Variants in PACSIN2 observed in about 807,000 individuals in gnomAD.
PACSIN2 encodes protein kinase C and casein kinase substrate in neurons 2.
Under a neutral mutation model 63.8 loss-of-function variants are expected in PACSIN2, and 25 were observed. The observed-to-expected ratio is 0.39, with a 90% CI of 0.29 to 0.55. The LOEUF (loss-of-function observed/expected upper bound fraction) is 0.55, where lower values mean the gene tolerates loss of function less well. Among genes scored for constraint, PACSIN2 ranks in the 20% least tolerant of loss-of-function variants. The pLI, the probability that PACSIN2 is intolerant of heterozygous loss-of-function variation, is 0.62. For synonymous variants in PACSIN2, 255 were observed against 256.2 expected, an observed-to-expected ratio of 1.00 and a Z score of 0.05; for missense variants, 518 against 646.9, an observed-to-expected ratio of 0.80 and a Z score of 2.16.
intron 1 of PACSIN2, among the ~76,000 whole-genome samples, chr22:42,967,536 G>A (rs1920976432): frequency 6.6e-6 from 1 of 152,204 alleles, no homozygotes; most frequent in African/African-American, 2.4e-5. Context: ...TAATTATACT[G>A]TTGGTGTTTC....
At chr22:42,877,481 C>T (rs1602167146) in intron 8 of PACSIN2, among the ~76,000 whole-genome samples, 1 of 152,176 alleles carries the variant, frequency 6.6e-6, no homozygotes, top group Non-Finnish European at 1.5e-5. Flanking sequence ...ACACGGCCTC[C>T]TCCTGACTAC....
At chr22:43,013,862 A>G (rs1229518154) in intron 1 of PACSIN2, among the ~76,000 whole-genome samples, 3 of 152,134 alleles carry the variant, frequency 2.0e-5, no homozygotes, top group Admixed American at 6.5e-5. Context: ...AACCACAAAA[A>G]CACCGGACAG....
At position 42,871,289 on chromosome 22, in the gene PACSIN2, G is replaced by A; in HGVS notation, c.*68C>T. ...ATCTCTTGCAGGAAAAGGAGTGGATGCCCACGTGGCTGGCTGAGGCTCCTG... is the reference window on the plus strand; with the variant it reads ...ATCTCTTGCAGGAAAAGGAGTGGATACCCACGTGGCTGGCTGAGGCTCCTG... On this transcript the variant is annotated 3_prime_UTR_variant, in exon 11 of 11. Transcript: ENST00000263246. This position sits in a 1 kb window ranked among gnomAD's most constrained non-coding sequence, Gnocchi z 5.4. The A allele has an allele frequency of 1.1e-6, 1 of 903,742 alleles. No individual in the cohort carries two copies. Among genetic ancestry groups the A allele is most frequent in the Non-Finnish European group, 1.9e-6 (1 of 535,848 alleles). The allele number at this position is 903,742 out of a possible 1,614,324, so 56.0% of individuals were successfully genotyped here.
intron 1 of PACSIN2, among the ~76,000 whole-genome samples, chr22:42,941,151 G>A (rs1475953033): frequency 5.3e-5 from 8 of 152,170 alleles, no homozygotes; most frequent in Non-Finnish European, 1.5e-5. Context: ...ATGTGGCTCT[G>A]GTGATTGGCT....
intron 2 of PACSIN2, among the ~76,000 whole-genome samples, chr22:42,893,919 G>A (rs1930102261): frequency 6.6e-6 from 1 of 152,154 alleles, no homozygotes; most frequent in Non-Finnish European, 1.5e-5. Flanking sequence ...GTGGGGCTGA[G>A]GATGCCTAAA....
chr22:42,954,636 A>G (rs1487780979), intron 1 of PACSIN2, among the ~76,000 whole-genome samples: 3 of 152,174 alleles, frequency 2.0e-5, no homozygotes, highest in East Asian at 1.9e-4. Context: ...ATTTTAGTCA[A>G]TTTTAATGTA....
chr22:42,877,643 A>G (rs982652178), intron 8 of PACSIN2, among the ~76,000 whole-genome samples: 4 of 152,204 alleles, frequency 2.6e-5, no homozygotes, highest in African/African-American at 4.8e-5. Context: ...ACTGTTTGCC[A>G]GGCCCAGTGT....
intron 1 of PACSIN2, among the ~76,000 whole-genome samples, chr22:42,917,479 G>A (rs1931888688): frequency 6.6e-6 from 1 of 152,024 alleles, no homozygotes; most frequent in African/African-American, 2.4e-5. Flanking sequence ...GCCAAGCATG[G>A]TGGCACGCAC....
At chr22:42,949,925 G>T (rs771765120) in intron 1 of PACSIN2, among the ~76,000 whole-genome samples, 38 of 152,128 alleles carry the variant, frequency 2.5e-4, no homozygotes, top group Non-Finnish European at 4.7e-4. Flanking sequence ...TTTACTTTCT[G>T]AGTGCCAGAA....
At chr22:42,920,700 A>G (rs1932127326) in intron 1 of PACSIN2, among the ~76,000 whole-genome samples, 2 of 151,846 alleles carry the variant, frequency 1.3e-5, no homozygotes, top group Admixed American at 1.3e-4. Flanking sequence ...TGCTGGAGAC[A>G]GGCCTTGGCA....
At chr22:42,873,929 C>T (rs1653088756) in intron 10 of PACSIN2, among the ~76,000 whole-genome samples, 1 of 152,012 alleles carries the variant, frequency 6.6e-6, no homozygotes, top group South Asian at 2.1e-4. Context: ...GCTGGGATTA[C>T]AGGTGTGTGC....
At chr22:43,009,569 A>G (rs542965193) in intron 1 of PACSIN2, among the ~76,000 whole-genome samples, 4 of 152,202 alleles carry the variant, frequency 2.6e-5, no homozygotes, top group African/African-American at 7.2e-5. Flanking sequence ...TCATTTTACA[A>G]ATATGAAAAC....
At chr22:42,914,624 G>A (rs1287491554) in intron 1 of PACSIN2, among the ~76,000 whole-genome samples, 5 of 152,200 alleles carry the variant, frequency 3.3e-5, no homozygotes, top group Non-Finnish European at 5.9e-5. Flanking sequence ...GCTGGTCTCT[G>A]CTCTAGGCTT....
chr22:42,923,436 T>C (rs1009029360), intron 1 of PACSIN2, among the ~76,000 whole-genome samples: 1 of 152,190 alleles, frequency 6.6e-6, no homozygotes, highest in Non-Finnish European at 1.5e-5. Flanking sequence ...CTTCTTTTTT[T>C]TATTTTTTTG....
chr22:42,989,763 C>T (rs189796215), intron 1 of PACSIN2, among the ~76,000 whole-genome samples: 1,593 of 150,266 alleles, frequency 0.011, 59 homozygotes, highest in Admixed American at 0.081. Context: ...ATCGCGCCAC[C>T]GCATTCCAGC....
chr22:42,891,146 G>T lies in PACSIN2; in HGVS notation c.254C>A (p.Ala85Asp), dbSNP rs771924642. 40 of 1,613,868 alleles carry T rather than the reference G, an allele frequency of 2.5e-5. No individual in the cohort carries two copies. The highest frequency in any genetic ancestry group is 3.1e-5 in the Non-Finnish European group (37 of 1,179,982). Residue 85 changes from alanine (A) to aspartate (D), a missense_variant, in exon 4 of 11, where the codon GCC (alanine) becomes GAC (aspartate). Physicochemically the swap from Ala to Asp is moderately radical, Grantham distance 126. This residue lies in a region of PACSIN2 where 507 missense variants were observed against 612.3 expected (regional missense o/e 0.83). Transcript: ENST00000263246. ...CACCCTCTCTGCCTCGGACATGAAG[G>T]CCATCCAGGCCTTCTCCACGGTCCC... is the stretch of plus-strand genomic sequence containing the variant. ...QYGTVEKAWM[A>D]FMSEAERVSE...
intron 1 of PACSIN2, among the ~76,000 whole-genome samples, chr22:42,968,903 T>C (rs1312774637): frequency 6.6e-6 from 1 of 152,224 alleles, no homozygotes; most frequent in Non-Finnish European, 1.5e-5. Flanking sequence ...CTTCTCTAGT[T>C]CTGGGGCCCT....
intron 1 of PACSIN2, among the ~76,000 whole-genome samples, chr22:42,989,912 A>G (rs1412206266): frequency 6.7e-6 from 1 of 149,516 alleles, no homozygotes; most frequent in African/African-American, 2.4e-5. Context: ...ATATGTATAT[A>G]TATGTGTGTA....
intron 1 of PACSIN2, among the ~76,000 whole-genome samples, chr22:42,972,981 T>C (rs1262623627): frequency 1.3e-5 from 2 of 152,224 alleles, no homozygotes; most frequent in Non-Finnish European, 2.9e-5. Context: ...ACGAACAGCA[T>C]GTGAGGATTG....
Sources: gnomAD v4.1 joint callset for allele counts (sites outside exome capture counted in the v4.1 genomes callset) on GRCh38, gnomAD v4.1.1 for gene constraint, gnomAD v4.1.1 regional missense constraint, Gnocchi (gnomAD v3.1) non-coding constraint, MANE v1.5 for transcripts, NCBI Gene and HGNC (gene_info 2026-07-23, HGNC 2026-07-21) for gene names.